Variants in EDAR observed in about 807,000 individuals in gnomAD.
EDAR encodes tumor necrosis factor receptor superfamily member EDAR.
A neutral mutation model predicts 51.3 loss-of-function variants in EDAR; 38 were observed. That is an observed-to-expected ratio of 0.74 (90% CI 0.57 to 0.97). The LOEUF (loss-of-function observed/expected upper bound fraction) is 0.97. Ranked by LOEUF, EDAR falls within the 50% of genes least tolerant of loss-of-function variation. The pLI, the probability that EDAR is intolerant of heterozygous loss-of-function variation, is 0.00. For missense variants in EDAR, 528 were observed against 595.0 expected (o/e 0.89, Z 1.17); for synonymous variants, 227 against 242.1 (o/e 0.94, Z 0.58).
At chr2:108,954,937 G>A (rs1697891783) in intron 1 of EDAR, among the ~76,000 whole-genome samples, 1 of 152,104 alleles carries the variant, frequency 6.6e-6, no homozygotes, top group Admixed American at 6.6e-5. Flanking sequence ...GTCTGCCTCA[G>A]CCTCCCAAAG....
At chr2:108,965,061 T>A (rs761197568) in intron 1 of EDAR, among the ~76,000 whole-genome samples, 6 of 152,186 alleles carry the variant, frequency 3.9e-5, no homozygotes, top group Non-Finnish European at 8.8e-5. Flanking sequence ...AAACATTTTT[T>A]AACTATGCCA....
chr2:108,976,859 T>C (rs1698331528), intron 1 of EDAR, among the ~76,000 whole-genome samples: 1 of 152,100 alleles, frequency 6.6e-6, no homozygotes, highest in South Asian at 2.1e-4. Context: ...TACAAGGTGC[T>C]CCAGGCTCCT....
At position 108,896,805 on chromosome 2, in the gene EDAR, C is replaced by T. The variant is rs1027045768; in HGVS notation, c.*102G>A. ...TCCTAAGGCATACGGTGACATATCA[C>T]AAAAGCCTTGATTCTTGGCAGTCTT... On this transcript the variant is annotated 3_prime_UTR_variant, in exon 12 of 12. Transcript: ENST00000258443. 5 of 1,216,688 alleles carry T rather than the reference C, an allele frequency of 4.1e-6. No homozygotes were observed. In the African/African-American group the frequency reaches 6.0e-5, roughly 15 times the overall value. The allele number at this position is 1,216,688 out of a possible 1,614,324, so 75.4% of individuals were successfully genotyped here.
In EDAR at chr2:108,927,178, C is replaced by T. The variant is rs139587716; in HGVS notation, c.356+2020G>A. Among the ~76,000 whole-genome samples the T allele has an allele frequency of 4.1e-3, 617 of 152,296 alleles. 10 individuals carry two copies. Among genetic ancestry groups the T allele is most frequent in the African/African-American group, 0.014 (590 of 41,572 alleles). ...AGCAGTGCGAAGGCACTCTGAGGCA[C>T]GTGCTGAGGGTGTCTCTGCACAGGG... On this transcript the variant is annotated intron_variant, in intron 4 of 11. Coordinates refer to ENST00000258443, the MANE Select transcript of EDAR (RefSeq NM_022336.4).
At chr2:108,947,396 C>T (rs181452733) in intron 1 of EDAR, among the ~76,000 whole-genome samples, 3 of 152,228 alleles carry the variant, frequency 2.0e-5, no homozygotes, top group South Asian at 2.1e-4. Context: ...TGGTGGTGCT[C>T]GTCTCACAGC....
intron 1 of EDAR, among the ~76,000 whole-genome samples, chr2:108,967,538 G>T (rs1698167887): frequency 1.3e-5 from 2 of 152,016 alleles, no homozygotes. Flanking sequence ...CAACAGTCTT[G>T]TGCACAACAA....
chr2:108,896,727 T>TTATC lies in EDAR; in HGVS notation c.*176_*179dup. The TTATC allele has an allele frequency of 3.2e-6, 2 of 634,582 alleles. No individual in the cohort carries two copies. The highest frequency in any genetic ancestry group is 5.4e-6 in the Non-Finnish European group (2 of 368,482). 39.3% of individuals were successfully genotyped at this position (634,582 alleles called of 1,614,324 possible). Reference sequence around the variant, plus strand: ...CTGAAAGTATCCCGGCTCTAGTCCTTTATCTTTGGTTAAATTGGAAGACAG... The same window carrying TTATC: ...CTGAAAGTATCCCGGCTCTAGTCCTTTATCTATCTTTGGTTAAATTGGAAGACAG... On this transcript the variant is annotated 3_prime_UTR_variant, in exon 12 of 12. Transcript: ENST00000258443.
intron 1 of EDAR, among the ~76,000 whole-genome samples, chr2:108,939,133 G>C (rs1256510684): frequency 6.6e-6 from 1 of 152,032 alleles, no homozygotes; most frequent in South Asian, 2.1e-4. Context: ...AACATGATAG[G>C]AGCCACTCTT....
intron 1 of EDAR, among the ~76,000 whole-genome samples, chr2:108,973,935 A>T (rs923034754): frequency 7.2e-5 from 11 of 152,236 alleles, no homozygotes; most frequent in African/African-American, 2.7e-4. Context: ...CGGAGCTGTA[A>T]GCATCACCTT....
intron 5 of EDAR, among the ~76,000 whole-genome samples, 154 bp downstream of exon 5, chr2:108,923,214 C>A (rs529386950): frequency 7.2e-5 from 11 of 152,328 alleles, no homozygotes. Context: ...CCTTCATAGA[C>A]CTGCCTGGAC....
intron 3 of EDAR, 124 bp downstream of exon 3, chr2:108,929,996 T>A: frequency 8.1e-7 from 1 of 1,229,784 alleles, no homozygotes; most frequent in Non-Finnish European, 1.1e-6. Flanking sequence ...CCAGGGAGCG[T>A]GACCGGCTGG....
intron 1 of EDAR, among the ~76,000 whole-genome samples, chr2:108,947,867 T>C (rs1697744299): frequency 6.6e-6 from 1 of 152,254 alleles, no homozygotes. Context: ...CCTTGTTACT[T>C]ATGCAAATTT....
chr2:108,914,944 ACT>A (rs1696999962), intron 5 of EDAR, among the ~76,000 whole-genome samples: 1 of 152,078 alleles, frequency 6.6e-6, no homozygotes, highest in African/African-American at 2.4e-5. Flanking sequence ...ACAAGGTCTC[ACT>A]CTGTCACCCA....
chr2:108,974,901 G>A (rs1233993382), intron 1 of EDAR, among the ~76,000 whole-genome samples: 1 of 152,158 alleles, frequency 6.6e-6, no homozygotes, highest in Non-Finnish European at 1.5e-5. Flanking sequence ...CTGCATGCTG[G>A]AGCTCTAGCC....
intron 1 of EDAR, among the ~76,000 whole-genome samples, chr2:108,981,292 G>A (rs550885743): frequency 6.6e-6 from 1 of 152,286 alleles, no homozygotes; most frequent in African/African-American, 2.4e-5. Context: ...TCTTTCCAGA[G>A]CCGCACCCGC....
chr2:108,939,218 C>T (rs1167974625), intron 1 of EDAR, among the ~76,000 whole-genome samples: 3 of 152,138 alleles, frequency 2.0e-5, no homozygotes, highest in Non-Finnish European at 4.4e-5. Flanking sequence ...TGCTCTGTCA[C>T]CCAGGCTACA....
At chr2:108,980,458 T>C (rs574326042) in intron 1 of EDAR, among the ~76,000 whole-genome samples, 1 of 152,286 alleles carries the variant, frequency 6.6e-6, no homozygotes, top group Admixed American at 6.5e-5. Context: ...AAGTTCTAGG[T>C]TCAAATATAT....
intron 11 of EDAR, among the ~76,000 whole-genome samples, chr2:108,900,560 G>GAA (rs777541119): frequency 1.8e-4 from 8 of 43,456 alleles, no homozygotes; most frequent in Admixed American, 3.2e-4. Context: ...CAAAAAAAAA[G>GAA]AAAAAAAAAA....
chr2:108,978,246 G>C (rs1178583460), intron 1 of EDAR, among the ~76,000 whole-genome samples: 3 of 152,176 alleles, frequency 2.0e-5, no homozygotes, highest in African/African-American at 7.2e-5. Flanking sequence ...AGCAGAAAAG[G>C]ATCCAGGCAG....
Sources: gnomAD v4.1 joint callset for allele counts (sites outside exome capture counted in the v4.1 genomes callset) on GRCh38, gnomAD v4.1.1 for gene constraint, MANE v1.5 for transcripts, NCBI Gene and HGNC (gene_info 2026-07-23, HGNC 2026-07-21) for gene names.